Variants in NEK10 observed in about 807,000 individuals in gnomAD.
NEK10 encodes serine/threonine-protein kinase Nek10.
In NEK10, 122 loss-of-function variants were observed where a neutral mutation model predicts 159.8. The ratio of observed to expected loss-of-function variants is 0.76; its 90% confidence interval spans 0.66 to 0.89. NEK10 has a LOEUF of 0.89. Among genes scored for constraint, NEK10 ranks in the 40% least tolerant of loss-of-function variants. NEK10 has a pLI of 0.00. For synonymous variants in NEK10, 466 were observed against 457.1 expected, an observed-to-expected ratio of 1.02 and a Z score of -0.25; for missense variants, 1,342 against 1,323.1, an observed-to-expected ratio of 1.01 and a Z score of -0.22.
chr3:27,184,411 G>A (rs910506817), intron 26 of NEK10, among the ~76,000 whole-genome samples: 1 of 152,216 alleles, frequency 6.6e-6, no homozygotes, highest in Admixed American at 6.5e-5. Context: ...TCCTGGGGCA[G>A]AGAATTGTAT....
At chr3:27,135,159 C>T (rs1276392277) in intron 31 of NEK10, among the ~76,000 whole-genome samples, 3 of 152,134 alleles carry the variant, frequency 2.0e-5, no homozygotes, top group Non-Finnish European at 4.4e-5. Flanking sequence ...TGGTTCATGC[C>T]TGTATTGCCA....
intron 23 of NEK10, among the ~76,000 whole-genome samples, chr3:27,226,016 C>T (rs1480167317): frequency 6.6e-6 from 1 of 152,066 alleles, no homozygotes; most frequent in South Asian, 2.1e-4. Flanking sequence ...ATGTCCCAAA[C>T]CAAATAAAAT....
chr3:27,133,674 T>G (rs1297625979), intron 31 of NEK10, among the ~76,000 whole-genome samples: 1 of 152,116 alleles, frequency 6.6e-6, no homozygotes, highest in African/African-American at 2.4e-5. Context: ...CTTGGGAGGC[T>G]GAGGCAGGAC....
intron 30 of NEK10, among the ~76,000 whole-genome samples, chr3:27,155,299 C>T (rs559466465): frequency 1.2e-4 from 18 of 151,968 alleles, no homozygotes; most frequent in Admixed American, 3.3e-4. Flanking sequence ...GTCAAGAGAT[C>T]GAGACCATCC....
chr3:27,140,512 T>C lies in NEK10; in HGVS notation c.2970+970A>G, dbSNP rs1419097776. 2.6e-5 allele frequency among the ~76,000 whole-genome samples: 4 copies of C among 152,214 alleles called. No individual in the cohort carries two copies. The East Asian group carries it at 7.7e-4, about 29-fold the overall frequency. ...CATCAAGATTCCTAGAGTCTTATCA[T>C]GTTACTGTGGTACACCATTTTTAAT... is the stretch of plus-strand genomic sequence containing the variant. On this transcript the variant is annotated intron_variant, in intron 31 of 35. Coordinates refer to ENST00000691995, the MANE Select transcript of NEK10 (RefSeq NM_001394966.1).
intron 23 of NEK10, among the ~76,000 whole-genome samples, chr3:27,221,029 G>C (rs1295931255): frequency 6.6e-6 from 1 of 152,126 alleles, no homozygotes; most frequent in African/African-American, 2.4e-5. Context: ...TGCTAAATGA[G>C]TCATAGACCT....
At chr3:27,320,891 T>A (rs2045575366) in intron 6 of NEK10, among the ~76,000 whole-genome samples, 1 of 152,130 alleles carries the variant, frequency 6.6e-6, no homozygotes, top group African/African-American at 2.4e-5. Context: ...ATGCCAAATA[T>A]GGAAAAGATG....
chr3:27,121,343 C>A (rs1941274929), intron 32 of NEK10, among the ~76,000 whole-genome samples: 1 of 152,170 alleles, frequency 6.6e-6, no homozygotes, highest in East Asian at 1.9e-4. Context: ...TGTATGACTT[C>A]ATTCTTAGAA....
intron 1 of NEK10, among the ~76,000 whole-genome samples, chr3:27,365,931 T>C (rs1326178961): frequency 6.6e-6 from 1 of 152,102 alleles, no homozygotes; most frequent in African/African-American, 2.4e-5. Context: ...ATATCAGGCA[T>C]ATACATGAGT....
intron 28 of NEK10, 51 bp from the exon 29 acceptor site, chr3:27,171,924 T>C: frequency 6.4e-7 from 1 of 1,558,950 alleles, no homozygotes; most frequent in Non-Finnish European, 8.7e-7. Flanking sequence ...TGCAAATCTT[T>C]TATTTTTTAT....
chr3:27,307,843 C>G lies in NEK10; in HGVS notation c.803+16G>C. 1 of 1,266,858 alleles carries G rather than the reference C, an allele frequency of 7.9e-7. No homozygotes were observed. The highest frequency in any genetic ancestry group is 1.2e-6 in the Non-Finnish European group (1 of 865,982). 78.5% of individuals were successfully genotyped at this position (1,266,858 alleles called of 1,614,324 possible). On this transcript the variant is annotated intron_variant, in intron 11 of 35. Transcript: ENST00000691995. ...AAAGGCACTGCATTGTCTTTTTCTA[C>G]TGTTAGCAATCCTACCTTTTAGAAA...
chr3:27,122,910 C>G (rs1941503119), intron 32 of NEK10, among the ~76,000 whole-genome samples: 1 of 152,078 alleles, frequency 6.6e-6, no homozygotes, highest in African/African-American at 2.4e-5. Context: ...TTATGTCACA[C>G]TGGTAGTCTC....
intron 1 of NEK10, among the ~76,000 whole-genome samples, chr3:27,366,241 T>G (rs1249104719): frequency 6.6e-6 from 1 of 152,194 alleles, no homozygotes; most frequent in East Asian, 1.9e-4. Context: ...TTAAGTTAAC[T>G]TGCCAATCCC....
chr3:27,304,486 T>C (rs912977819), intron 12 of NEK10, among the ~76,000 whole-genome samples: 1 of 152,216 alleles, frequency 6.6e-6, no homozygotes, highest in Admixed American at 6.5e-5. Flanking sequence ...GATGGCCTTC[T>C]ACATTCCCAG....
rs9867746 is a variant in NEK10, at chr3:27,232,155, G to A, written c.2090+24141C>T. On this transcript the variant is annotated intron_variant, in intron 23 of 35. Coordinates refer to ENST00000691995, the MANE Select transcript of NEK10 (RefSeq NM_001394966.1). The stretch of plus-strand genomic sequence containing the variant: ...AACACATCGTGATATGATCATATAC[G>A]CAGAAAACCTAAAAACTCATCCAAA... 3.9e-3 allele frequency among the ~76,000 whole-genome samples: 595 copies of A among 151,190 alleles called. 5 individuals carry two copies. The highest frequency in any genetic ancestry group is 0.014 in the African/African-American group (563 of 41,384).
In NEK10 at chr3:27,119,826, T is replaced by A. The variant is rs1345213785; in HGVS notation, c.3124A>T (p.Thr1042Ser). 6.2e-7 allele frequency: 1 copy of A among 1,613,972 alleles called. No individual in the cohort carries two copies. The highest frequency in any genetic ancestry group is 1.7e-5 in the Admixed American group (1 of 60,002). Reference protein sequence around the residue: ...SPEPIEPNFFTADYHLLHRSS... With the variant: ...SPEPIEPNFFSADYHLLHRSS... Reference sequence around the variant, plus strand: ...CGATGTAATAAATGGTAATCTGCTGTGAAAAAGTTGGGCTCAATCGGTTCT... The same window carrying A: ...CGATGTAATAAATGGTAATCTGCTGAGAAAAAGTTGGGCTCAATCGGTTCT... The change falls in exon 33 of 36, where the codon ACA (threonine) becomes TCA (serine). Residue 1042 changes from threonine to serine, a missense_variant. Thr to Ser is a moderately conservative substitution (Grantham distance 58). Coordinates refer to ENST00000691995, the MANE Select transcript of NEK10 (RefSeq NM_001394966.1).
At chr3:27,129,510 A>T (rs1942369907) in intron 32 of NEK10, among the ~76,000 whole-genome samples, 1 of 152,170 alleles carries the variant, frequency 6.6e-6, no homozygotes, top group South Asian at 2.1e-4. Flanking sequence ...TGCTATCAAA[A>T]GATTATACCA....
Position 27,291,242 on chromosome 3 carries a change from T to A in NEK10, c.1605+20A>T, listed in dbSNP as rs767254572. 1 of 1,605,520 alleles carries A rather than the reference T, an allele frequency of 6.2e-7. No individual in the cohort carries two copies. The highest frequency in any genetic ancestry group is 8.5e-7 in the Non-Finnish European group (1 of 1,177,392). On this transcript the variant is annotated intron_variant, in intron 18 of 35. Transcript: ENST00000691995. ...GGTTTGGTTGGGAGTATCAGAAATG[T>A]TCCCCAAGGGGAAAGTCACCTTGTA... is the stretch of plus-strand genomic sequence containing the variant.
chr3:27,316,137 A>G (rs956079802), intron 6 of NEK10, among the ~76,000 whole-genome samples: 5 of 152,190 alleles, frequency 3.3e-5, no homozygotes, highest in African/African-American at 7.2e-5. Context: ...GTTTTCATGC[A>G]GACCGTGATA....
Sources: allele counts gnomAD v4.1 joint callset (sites outside exome capture counted in the v4.1 genomes callset), GRCh38; gene constraint gnomAD v4.1.1; transcripts MANE v1.5; gene names NCBI Gene and HGNC (gene_info 2026-07-23, HGNC 2026-07-21).